Variants in SHROOM4 observed in about 807,000 individuals in gnomAD.
SHROOM4 encodes shroom family member 4, also known as protein Shroom4.
SHROOM4 carries 17 observed loss-of-function variants against 80.3 expected under a neutral mutation model. The observed-to-expected ratio is 0.21, with a 90% confidence interval of 0.14 to 0.32. SHROOM4 has a LOEUF of 0.32. Ranked by LOEUF, SHROOM4 falls within the 10% of genes least tolerant of loss-of-function variation. The pLI, the probability that SHROOM4 is intolerant of heterozygous loss-of-function variation, is 1.00. For synonymous variants in SHROOM4, 400 were observed against 437.5 expected, an observed-to-expected ratio of 0.91 and a Z score of 1.07; for missense variants, 993 against 1,140.3, an observed-to-expected ratio of 0.87 and a Z score of 1.86.
At chrX:50,757,323 T>G (rs1557268459) in intron 1 of SHROOM4, among the ~76,000 whole-genome samples, 1 of 112,249 alleles carries the variant, frequency 8.9e-6, no homozygotes, top group African/African-American at 3.2e-5. Context: ...ATTTCTGGGA[T>G]CTCAACTGAT....
rs1557269672 is a variant in SHROOM4, at chrX:50,771,023, G to C, written c.117+42879C>G. Reference sequence around the variant, plus strand: ...CTGCTAGAAAAACAGGAAGCCAGAGGAGTGGGTAGGTCAGTTAGGCTCTCT... The same window carrying C: ...CTGCTAGAAAAACAGGAAGCCAGAGCAGTGGGTAGGTCAGTTAGGCTCTCT... On this transcript the variant is annotated intron_variant, in intron 1 of 8. Coordinates refer to ENST00000376020, the MANE Select transcript of SHROOM4 (RefSeq NM_020717.5). 2.7e-5 allele frequency among the ~76,000 whole-genome samples: 3 copies of C among 111,922 alleles called. 1 individual carries two copies. Among genetic ancestry groups the C allele is most frequent in the Admixed American group, 9.5e-5 (1 of 10,563 alleles).
chrX:50,637,853 G>C (rs187212743), intron 3 of SHROOM4, among the ~76,000 whole-genome samples: 4 of 112,045 alleles, frequency 3.6e-5, no homozygotes, highest in South Asian at 3.8e-4. Flanking sequence ...TACATTAAGA[G>C]ACAGGAGAAC....
intron 6 of SHROOM4, among the ~76,000 whole-genome samples, chrX:50,603,681 C>T (rs1289821112): frequency 3.6e-5 from 4 of 111,869 alleles, no homozygotes; most frequent in African/African-American, 9.7e-5. Flanking sequence ...TCACCAAAGC[C>T]TGTGGGGCTG....
At chrX:50,742,569 T>G (rs1326503419) in intron 1 of SHROOM4, among the ~76,000 whole-genome samples, 1 of 105,552 alleles carries the variant, frequency 9.5e-6, no homozygotes, top group Non-Finnish European at 1.9e-5. Flanking sequence ...TGGTCAGGTA[T>G]TTTGTAGAAT....
intron 5 of SHROOM4, among the ~76,000 whole-genome samples, chrX:50,625,708 T>C (rs1194656168): frequency 8.9e-6 from 1 of 111,770 alleles, no homozygotes. Flanking sequence ...CTTCTCCTAA[T>C]TGGTCTCTCT....
intron 1 of SHROOM4, among the ~76,000 whole-genome samples, chrX:50,752,227 A>G (rs1180546983): frequency 8.9e-6 from 1 of 112,053 alleles, no homozygotes; most frequent in African/African-American, 3.2e-5. Context: ...CCTCTGGCAA[A>G]TTTGGTCCAT....
At chrX:50,618,749 T>C (rs1557251428) in intron 5 of SHROOM4, among the ~76,000 whole-genome samples, 1 of 111,719 alleles carries the variant, frequency 9.0e-6, no homozygotes, top group African/African-American at 3.3e-5. Flanking sequence ...GTATTTCCAT[T>C]AATCTTCACA....
chrX:50,697,878 T>C (rs1465825128), intron 1 of SHROOM4, among the ~76,000 whole-genome samples: 1 of 112,174 alleles, frequency 8.9e-6, no homozygotes, highest in Non-Finnish European at 1.9e-5. Flanking sequence ...TTGGCATCCA[T>C]AGAAGGCCCT....
rs1321459406 is a variant in SHROOM4 at position 50,618,101 on chromosome X, G to A, written c.2957+9513C>T. ...TTGAAGGGTGTCAGCCTCAAGCCAAGGATATTGGTTGGCCTCTAGAAGTCC... is the reference window on the plus strand; with the variant it reads ...TTGAAGGGTGTCAGCCTCAAGCCAAAGATATTGGTTGGCCTCTAGAAGTCC... On this transcript the variant is annotated intron_variant, in intron 5 of 8. Coordinates refer to ENST00000376020, the MANE Select transcript of SHROOM4 (RefSeq NM_020717.5). Among the ~76,000 whole-genome samples, 3 of 111,209 alleles carry A rather than the reference G, an allele frequency of 2.7e-5. No individual in the cohort carries two copies. The Admixed American group carries it at 2.8e-4, about 11-fold the overall frequency.
intron 6 of SHROOM4, among the ~76,000 whole-genome samples, 191 bp from the exon 7 acceptor site, chrX:50,603,004 A>G (rs1557247950): frequency 8.9e-6 from 1 of 111,960 alleles, no homozygotes; most frequent in African/African-American, 3.2e-5. Flanking sequence ...AAGTTTTAAG[A>G]ACTTAGAAGG....
rs1014991455 is a variant in SHROOM4, at chrX:50,782,975, A to C, written c.117+30927T>G. The stretch of plus-strand genomic sequence containing the variant: ...CATAAATAACAATACTATATTGTAC[A>C]TTTAAAAATCTGTTAAGTGAATAGA... On this transcript the variant is annotated intron_variant, in intron 1 of 8. Coordinates refer to ENST00000376020, the MANE Select transcript of SHROOM4 (RefSeq NM_020717.5). Among the ~76,000 whole-genome samples, 21 of 112,036 alleles carry C rather than the reference A, an allele frequency of 1.9e-4. No individual in the cohort carries two copies. The Admixed American group carries it at 1.9e-3, about 10-fold the overall frequency.
intron 2 of SHROOM4, among the ~76,000 whole-genome samples, chrX:50,681,111 A>G (rs1211833817): frequency 9.1e-6 from 1 of 110,444 alleles, no homozygotes; most frequent in African/African-American, 3.3e-5. Flanking sequence ...CTAAAATCCA[A>G]ATCCGACTCA....
intron 2 of SHROOM4, among the ~76,000 whole-genome samples, chrX:50,669,507 C>T (rs1932770341): frequency 1.8e-5 from 2 of 110,862 alleles, no homozygotes; most frequent in Admixed American, 1.9e-4. Flanking sequence ...CACTATGTTT[C>T]CCAGGCTGAT....
chrX:50,689,126 G>T lies in SHROOM4; in HGVS notation c.269+6660C>A, dbSNP rs781966123. ...GAAATGATAAATGTTTGAGATAATA[G>T]ATATGCTAATTACTGTGATCTGATC... On this transcript the variant is annotated intron_variant, in intron 2 of 8. Transcript: ENST00000376020. Among the ~76,000 whole-genome samples the T allele has an allele frequency of 4.0e-3, 447 of 111,609 alleles. 2 individuals are homozygous for T. Among genetic ancestry groups the T allele is most frequent in the African/African-American group, 0.014 (430 of 30,743 alleles).
At chrX:50,678,629 C>T (rs112386248) in intron 2 of SHROOM4, among the ~76,000 whole-genome samples, 8,621 of 111,222 alleles carry the variant, frequency 0.078, 849 homozygotes, top group African/African-American at 0.27. Flanking sequence ...GAAGTACTTC[C>T]TCAGTGATTT....
intron 2 of SHROOM4, among the ~76,000 whole-genome samples, chrX:50,642,907 C>G (rs141369838): frequency 1.8e-5 from 2 of 111,818 alleles, no homozygotes; most frequent in African/African-American, 3.3e-5. Flanking sequence ...TACCACACGA[C>G]CCCTCCTCTC....
intron 1 of SHROOM4, among the ~76,000 whole-genome samples, chrX:50,717,890 G>A (rs782463632): frequency 9.0e-6 from 1 of 111,729 alleles, no homozygotes; most frequent in South Asian, 3.8e-4. Context: ...CATTTCCCCA[G>A]TAATAGAATG....
Position 50,592,354 on chromosome X carries a change from T to C in SHROOM4, c.*4341A>G. 3.8e-6 allele frequency: 1 copy of C among 260,203 alleles called. No homozygotes were observed. The highest frequency in any genetic ancestry group is 2.8e-5 in the African/African-American group (1 of 35,482). 21.4% of individuals were successfully genotyped at this position (260,203 alleles called of 1,213,427 possible). A position where few individuals can be genotyped will look rare whatever the true frequency, so the allele number is the denominator to read the frequency against. Reference sequence around the variant, plus strand: ...CTTCTTGGATTGTTAGTGGCTTTTATTTATTATTTTCAAGTTACAATAACT... The same window carrying C: ...CTTCTTGGATTGTTAGTGGCTTTTACTTATTATTTTCAAGTTACAATAACT... On this transcript the variant is annotated 3_prime_UTR_variant, in exon 9 of 9. Coordinates refer to ENST00000376020, the MANE Select transcript of SHROOM4 (RefSeq NM_020717.5).
chrX:50,724,815 C>G (rs1401677501), intron 1 of SHROOM4, among the ~76,000 whole-genome samples: 1 of 111,755 alleles, frequency 8.9e-6, no homozygotes, highest in Non-Finnish European at 1.9e-5. Flanking sequence ...TTTTAAAGAA[C>G]AAAAGTTTCT....
Sources: gnomAD v4.1 joint callset for allele counts (sites outside exome capture counted in the v4.1 genomes callset) on GRCh38, gnomAD v4.1.1 for gene constraint, MANE v1.5 for transcripts, NCBI Gene and HGNC (gene_info 2026-07-23, HGNC 2026-07-21) for gene names.